GLIS3: variants seen among roughly 807,000 people sequenced by gnomAD.
GLIS3 encodes GLIS family zinc finger 3, also known as zinc finger protein GLIS3.
GLIS3 carries 53 observed loss-of-function variants against 78.6 expected under a neutral mutation model. That is an observed-to-expected ratio of 0.67 (90% confidence interval 0.54 to 0.85). The LOEUF is 0.85. GLIS3 is among the 40% of genes least tolerant of loss of function. GLIS3 has a pLI of 0.00. For missense variants in GLIS3, 1,703 were observed against 1,231.1 expected (o/e 1.38, Z -5.74); for synonymous variants, 684 against 509.9 (o/e 1.34, Z -4.60).
chr9:4,351,060 T>A (rs1320924634), upstream of GLIS3, among the ~76,000 whole-genome samples: 1 of 152,164 alleles, frequency 6.6e-6, no homozygotes, highest in Non-Finnish European at 1.5e-5. Context: ...GCTTCACTTC[T>A]CTGTATAATA....
intron 1 of GLIS3, among the ~76,000 whole-genome samples, chr9:4,295,940 A>G (rs1816455588): frequency 6.6e-6 from 1 of 150,596 alleles, no homozygotes; most frequent in Admixed American, 6.6e-5. Flanking sequence ...TTTTTTTTTT[A>G]TCACACAGAT....
chr9:3,844,136 G>C (rs1271900772), intron 9 of GLIS3, among the ~76,000 whole-genome samples: 1 of 152,146 alleles, frequency 6.6e-6, no homozygotes, highest in East Asian at 1.9e-4. Flanking sequence ...TGTGAATGGG[G>C]ACAGATCAAG....
intron 4 of GLIS3, among the ~76,000 whole-genome samples, chr9:4,093,099 G>A (rs939971959): frequency 1.3e-5 from 2 of 152,112 alleles, no homozygotes; most frequent in Non-Finnish European, 2.9e-5. Context: ...GCACATGCCT[G>A]CATGTATATT....
intron 4 of GLIS3, among the ~76,000 whole-genome samples, chr9:3,962,788 A>G (rs988541447): frequency 2.0e-5 from 3 of 152,126 alleles, no homozygotes; most frequent in Non-Finnish European, 4.4e-5. Flanking sequence ...ACTCTAGCAA[A>G]AGGGATCCCC....
chr9:4,338,927 T>C (rs1489878911), intron 2 of GLIS3, among the ~76,000 whole-genome samples: 1 of 152,162 alleles, frequency 6.6e-6, no homozygotes. Flanking sequence ...AAGATTGAGA[T>C]TCTGCATTAA....
At chr9:4,244,574 A>T (rs1823622199) in intron 2 of GLIS3, among the ~76,000 whole-genome samples, 1 of 151,718 alleles carries the variant, frequency 6.6e-6, no homozygotes, top group Admixed American at 6.6e-5. Context: ...ATCTCAAGGA[A>T]TTTTTTTTCT....
intron 2 of GLIS3, among the ~76,000 whole-genome samples, chr9:4,161,709 G>A (rs12350458): frequency 0.11 from 13,346 of 122,592 alleles, 1,446 homozygotes; most frequent in African/African-American, 0.31. Flanking sequence ...ACAGAGTTTC[G>A]CTCTGTCGCC....
chr9:3,868,131 T>C (rs1056507907), intron 8 of GLIS3, among the ~76,000 whole-genome samples: 5 of 152,252 alleles, frequency 3.3e-5, no homozygotes, highest in African/African-American at 1.2e-4. Context: ...GTTTATTTGT[T>C]ACCCTCTAAG....
intron 2 of GLIS3, among the ~76,000 whole-genome samples, chr9:4,195,802 G>C (rs1818781355): frequency 6.6e-6 from 1 of 152,234 alleles, no homozygotes; most frequent in Admixed American, 6.5e-5. Flanking sequence ...TGCACCAACA[G>C]GCACTCTGTG....
intron 6 of GLIS3, among the ~76,000 whole-genome samples, chr9:3,927,564 C>T (rs1216260527): frequency 6.6e-6 from 1 of 152,234 alleles, no homozygotes; most frequent in African/African-American, 2.4e-5. Context: ...GATCCTGGAC[C>T]ATTACCCCAG....
the GLIS3 span, among the ~76,000 whole-genome samples, chr9:4,456,336 G>C: frequency 6.6e-6 from 1 of 152,190 alleles, no homozygotes; most frequent in African/African-American, 2.4e-5. Flanking sequence ...GGTGGCTGTG[G>C]CAATTTCTTA....
chr9:4,224,316 G>A (rs1461725696), intron 2 of GLIS3, among the ~76,000 whole-genome samples: 2 of 152,138 alleles, frequency 1.3e-5, no homozygotes, highest in East Asian at 3.8e-4. Context: ...GTAAGTAACA[G>A]CTTGCTAACA....
chr9:4,206,654 A>G (rs139629605), intron 2 of GLIS3, among the ~76,000 whole-genome samples: 189 of 152,358 alleles, frequency 1.2e-3, no homozygotes, highest in Middle Eastern at 6.8e-3. Flanking sequence ...CACACCTTAA[A>G]TTCTCAGGTC....
At chr9:4,046,567 T>G (rs927244308) in intron 4 of GLIS3, among the ~76,000 whole-genome samples, 1 of 152,182 alleles carries the variant, frequency 6.6e-6, no homozygotes, top group Admixed American at 6.5e-5. Flanking sequence ...ATGAAGCTAA[T>G]ACGATAAGTT....
intron 7 of GLIS3, among the ~76,000 whole-genome samples, chr9:3,880,187 T>G (rs1039226597): frequency 2.0e-5 from 3 of 152,202 alleles, no homozygotes; most frequent in African/African-American, 7.2e-5. Flanking sequence ...ATGAATATAC[T>G]TGGCCTTCAT....
intron 2 of GLIS3, among the ~76,000 whole-genome samples, chr9:4,241,589 A>G (rs1476281028): frequency 6.6e-6 from 1 of 152,166 alleles, no homozygotes; most frequent in African/African-American, 2.4e-5. Flanking sequence ...TATCCCCAAA[A>G]TATGTACAGC....
rs72691853 is a variant in GLIS3 at position 4,232,663 on chromosome 9, G to C, written c.388+53375C>G. Among the ~76,000 whole-genome samples, 795 of 152,268 alleles carry C rather than the reference G, an allele frequency of 5.2e-3. 2 individuals are homozygous for C. The highest frequency in any genetic ancestry group is 8.1e-3 in the Non-Finnish European group (552 of 68,018). On this transcript the variant is annotated intron_variant, in intron 2 of 10. Transcript: ENST00000381971. ...GGTAGGCTACTACAAAACAAAAGTA[G>C]TTATTATTACCATTATCAATAAAGG...
the GLIS3 span, among the ~76,000 whole-genome samples, chr9:4,484,470 G>A: frequency 7.7e-6 from 1 of 129,424 alleles, no homozygotes; most frequent in Non-Finnish European, 1.5e-5. Flanking sequence ...CTAGGCTGCA[G>A]TGCAGTGGCT....
chr9:4,085,994 C>G (rs1395448147), intron 4 of GLIS3, among the ~76,000 whole-genome samples: 2 of 152,102 alleles, frequency 1.3e-5, no homozygotes, highest in Non-Finnish European at 2.9e-5. Flanking sequence ...TACAATTATC[C>G]TTCTAAAAGA....
Sources: gnomAD v4.1 joint callset for allele counts (sites outside exome capture counted in the v4.1 genomes callset) on GRCh38, gnomAD v4.1.1 for gene constraint, MANE v1.5 for transcripts, NCBI Gene and HGNC (gene_info 2026-07-23, HGNC 2026-07-21) for gene names.